CENPW: variants seen among roughly 807,000 people sequenced by gnomAD.
CENPW encodes cancer-up-regulated gene 2 protein.
A neutral mutation model predicts 11.1 loss-of-function variants in CENPW; 3 were observed. The observed-to-expected ratio is 0.27, with a 90% CI of 0.12 to 0.70. The LOEUF (loss-of-function observed/expected upper bound fraction) is 0.70, where lower values mean the gene tolerates loss of function less well. Among genes scored for constraint, CENPW ranks in the 30% least tolerant of loss-of-function variants. CENPW has a pLI of 0.77. For missense variants in CENPW, 100 were observed against 105.6 expected (o/e 0.95, Z 0.23); for synonymous variants, 38 against 42.0 (o/e 0.91, Z 0.37).
the CENPW span, among the ~76,000 whole-genome samples, chr6:126,362,443 C>T: frequency 1.5e-4 from 23 of 152,278 alleles, no homozygotes; most frequent in African/African-American, 4.3e-4. Context: ...CTGTTTGGTG[C>T]ACCCAATTCA....
At chr6:126,341,520 A>G (rs764139439) in intron 1 of CENPW, among the ~76,000 whole-genome samples, 60 of 152,222 alleles carry the variant, frequency 3.9e-4, no homozygotes, top group Non-Finnish European at 7.8e-4. Context: ...CCAAAACACA[A>G]CAAAAACACA....
At chr6:126,432,440 CA>C in the CENPW span, among the ~76,000 whole-genome samples, 2 of 152,142 alleles carry the variant, frequency 1.3e-5, no homozygotes, top group Non-Finnish European at 2.9e-5. Flanking sequence ...GGGTATATAC[CA>C]AAGAATTGGC....
the CENPW span, among the ~76,000 whole-genome samples, chr6:126,369,748 T>G: frequency 6.6e-6 from 1 of 152,240 alleles, no homozygotes; most frequent in Non-Finnish European, 1.5e-5. Context: ...CTCTGCTCAT[T>G]GTTTCTTTTG....
At chr6:126,359,756 T>C in the CENPW span, among the ~76,000 whole-genome samples, 3 of 151,750 alleles carry the variant, frequency 2.0e-5, no homozygotes, top group Admixed American at 6.6e-5. Flanking sequence ...TTTTTTCTTT[T>C]CTTTTTTTTT....
the CENPW span, among the ~76,000 whole-genome samples, chr6:126,441,350 C>A: frequency 6.6e-6 from 1 of 151,374 alleles, no homozygotes; most frequent in Non-Finnish European, 1.5e-5. Flanking sequence ...AGTAGCCAAA[C>A]AGAATTTTTT....
the CENPW span, among the ~76,000 whole-genome samples, chr6:126,476,773 A>G: frequency 2.0e-5 from 3 of 152,056 alleles, no homozygotes; most frequent in Non-Finnish European, 4.4e-5. Context: ...TTATAAAGAC[A>G]GATGCTCTGA....
chr6:126,452,319 C>T, the CENPW span, among the ~76,000 whole-genome samples: 1 of 151,106 alleles, frequency 6.6e-6, no homozygotes, highest in Non-Finnish European at 1.5e-5. Flanking sequence ...GTGTTGGAAT[C>T]ATCGGACAGA....
At chr6:126,433,694 G>GAAAGTGC in the CENPW span, among the ~76,000 whole-genome samples, 1 of 152,114 alleles carries the variant, frequency 6.6e-6, no homozygotes, top group African/African-American at 2.4e-5. Flanking sequence ...GATAGTTTAA[G>GAAAGTGC]AAAGTGCAAT....
the CENPW span, among the ~76,000 whole-genome samples, chr6:126,456,538 T>C: frequency 6.6e-6 from 1 of 151,570 alleles, no homozygotes; most frequent in Non-Finnish European, 1.5e-5. Flanking sequence ...CCTTACATCA[T>C]ACACAAAAAT....
the CENPW span, among the ~76,000 whole-genome samples, chr6:126,470,754 C>G: frequency 6.6e-6 from 1 of 152,220 alleles, no homozygotes; most frequent in Non-Finnish European, 1.5e-5. Context: ...TTCACCATGT[C>G]CTGGGTGTGA....
the CENPW span, among the ~76,000 whole-genome samples, chr6:126,418,062 G>C: frequency 1.8e-4 from 28 of 152,200 alleles, no homozygotes; most frequent in Non-Finnish European, 3.2e-4. Context: ...TTCATGCCCA[G>C]TAGGATAGCT....
At chr6:126,438,430 G>A in the CENPW span, among the ~76,000 whole-genome samples, 1 of 151,638 alleles carries the variant, frequency 6.6e-6, no homozygotes, top group South Asian at 2.1e-4. Context: ...GACACAGAAA[G>A]AAATCTATTT....
the CENPW span, among the ~76,000 whole-genome samples, chr6:126,467,413 C>T: frequency 4.0e-4 from 61 of 152,102 alleles, no homozygotes; most frequent in African/African-American, 1.3e-3. Flanking sequence ...TACTCAATAA[C>T]GGTGCTGGGA....
the CENPW span, among the ~76,000 whole-genome samples, chr6:126,404,026 T>C: frequency 1.3e-5 from 2 of 152,072 alleles, no homozygotes; most frequent in Non-Finnish European, 2.9e-5. Context: ...AGAATTATGC[T>C]ACATCTACTC....
chr6:126,472,584 C>G, the CENPW span, among the ~76,000 whole-genome samples: 1 of 152,150 alleles, frequency 6.6e-6, no homozygotes, highest in Non-Finnish European at 1.5e-5. Flanking sequence ...TGGATTGTTT[C>G]CAGTTTGGGC....
At chr6:126,366,564 C>A in the CENPW span, among the ~76,000 whole-genome samples, 1 of 152,184 alleles carries the variant, frequency 6.6e-6, no homozygotes. Flanking sequence ...TTTATGAGTG[C>A]CATTTTATGA....
chr6:126,405,028 A>T, the CENPW span, among the ~76,000 whole-genome samples: 2 of 151,632 alleles, frequency 1.3e-5, no homozygotes, highest in Non-Finnish European at 2.9e-5. Flanking sequence ...ATTTATCTAT[A>T]TTTGCTTTTG....
the CENPW span, among the ~76,000 whole-genome samples, chr6:126,465,105 A>G: frequency 6.6e-6 from 1 of 152,130 alleles, no homozygotes; most frequent in African/African-American, 2.4e-5. Context: ...TCATTTATAT[A>G]GAAAATCTGA....
At chr6:126,422,672 C>T in the CENPW span, among the ~76,000 whole-genome samples, 5 of 152,068 alleles carry the variant, frequency 3.3e-5, no homozygotes, top group South Asian at 8.3e-4. Flanking sequence ...CTACACTCTA[C>T]TTCATCCCTC....
Sources: gnomAD v4.1 joint callset for allele counts (sites outside exome capture counted in the v4.1 genomes callset) on GRCh38, gnomAD v4.1.1 for gene constraint, MANE v1.5 for transcripts, NCBI Gene and HGNC (gene_info 2026-07-23, HGNC 2026-07-21) for gene names.